The following KYNU variants were observed in gnomAD, a reference collection of about 807,000 sequenced individuals.
KYNU encodes L-kynurenine hydrolase.
Under a neutral mutation model 59.2 loss-of-function variants are expected in KYNU, and 54 were observed. The observed-to-expected ratio is 0.91, with a 90% CI of 0.73 to 1.14. KYNU has a LOEUF of 1.14. Ranked by LOEUF, KYNU falls within the 50% of genes most tolerant of loss-of-function variation. The probability of loss-of-function intolerance (pLI) is 0.00; values close to 1 mark genes in which losing one functional copy is unlikely to be tolerated. For synonymous variants in KYNU, 177 were observed against 192.0 expected (o/e 0.92, Z 0.65); for missense variants, 567 against 554.4 (o/e 1.02, Z -0.23).
At chr2:142,957,503 T>G in intron 6 of KYNU, 138 bp from the exon 7 acceptor site, 1 of 637,560 alleles carries the variant, frequency 1.6e-6, no homozygotes, top group Non-Finnish European at 2.8e-6. Context: ...CTCTGTTGTG[T>G]ATTTTGTTTA....
intron 13 of KYNU, among the ~76,000 whole-genome samples, chr2:143,041,515 T>C (rs78637163): frequency 0.029 from 4,354 of 152,122 alleles, 208 homozygotes; most frequent in African/African-American, 0.1. Flanking sequence ...ATATACTATA[T>C]TGTCTAGCCT....
rs1687284399 is a variant in KYNU at position 143,052,506 on chromosome 2, G to T, written c.*10334G>T. 1 of 152,146 alleles carries T rather than the reference G, an allele frequency of 6.6e-6. No homozygotes were observed. The highest frequency in any genetic ancestry group is 2.4e-5 in the African/African-American group (1 of 41,424). The allele number at this position is 152,146 out of a possible 1,614,324, so 9.4% of individuals were successfully genotyped here. ...AATGGCTTCGTGGGCTGGTCACAGGGTCCCTCTGCTGTGTGCAGTCTAGGG... is the reference window on the plus strand; with the variant it reads ...AATGGCTTCGTGGGCTGGTCACAGGTTCCCTCTGCTGTGTGCAGTCTAGGG... On this transcript the variant is annotated 3_prime_UTR_variant, in exon 14 of 14. Transcript: ENST00000264170.
rs954103476 is a variant in KYNU at position 143,043,972 on chromosome 2, C to T, written c.*1800C>T. 6 of 151,742 alleles carry T rather than the reference C, an allele frequency of 4.0e-5. No individual in the cohort carries two copies. Among genetic ancestry groups the T allele is most frequent in the Non-Finnish European group, 7.4e-5 (5 of 67,946 alleles). 9.4% of individuals were successfully genotyped at this position (151,742 alleles called of 1,614,324 possible). Reference sequence around the variant, plus strand: ...TCTACATCAGGTATTTCTCCTAATGCTCACCCTCCTCTTATCCCCAACTAC... The same window carrying T: ...TCTACATCAGGTATTTCTCCTAATGTTCACCCTCCTCTTATCCCCAACTAC... On this transcript the variant is annotated 3_prime_UTR_variant, in exon 14 of 14. Coordinates refer to ENST00000264170, the MANE Select transcript of KYNU (RefSeq NM_003937.3).
chr2:143,037,441 CA>C (rs1455830328), intron 12 of KYNU, among the ~76,000 whole-genome samples: 1 of 152,062 alleles, frequency 6.6e-6, no homozygotes, highest in African/African-American at 2.4e-5. Flanking sequence ...TAAATGGCTT[CA>C]AAATACAAAG....
chr2:142,951,763 A>G lies in KYNU; in HGVS notation c.374-3047A>G, dbSNP rs1683998239. On this transcript the variant is annotated intron_variant, in intron 4 of 13. Transcript: ENST00000264170. Reference sequence around the variant, plus strand: ...AAGGTCAGTAGCAGATGAAGATTGCATTTTGTGATGTGCTCAGTTAAGTTT... The same window carrying G: ...AAGGTCAGTAGCAGATGAAGATTGCGTTTTGTGATGTGCTCAGTTAAGTTT... Among the ~76,000 whole-genome samples, 3 of 152,248 alleles carry G rather than the reference A, an allele frequency of 2.0e-5. No homozygotes were observed. The South Asian group carries it at 6.2e-4, about 32-fold the overall frequency.
Position 143,040,603 on chromosome 2 carries a change from C to T in KYNU, c.1217C>T (p.Thr406Ile). The T allele has an allele frequency of 1.2e-6, 2 of 1,611,764 alleles. No individual in the cohort carries two copies. Among genetic ancestry groups the T allele is most frequent in the Non-Finnish European group, 1.7e-6 (2 of 1,178,714 alleles). ...VEERGCQLTI[T>I]FSVPNKDVFQ... ...GAGCGGGGGTGCCAGCTAACAATAA[C>T]ATTTTCTGTTCCAAACAAAGATGTT... The change falls in exon 13 of 14, where the codon ACA (threonine) becomes ATA (isoleucine). Residue 406 changes from threonine (T) to isoleucine (I), a missense_variant. Coordinates refer to ENST00000264170, the MANE Select transcript of KYNU (RefSeq NM_003937.3).
chr2:142,918,691 A>C lies in KYNU; in HGVS notation c.252A>C (p.Lys84Asn), dbSNP rs1558920953. The stretch of plus-strand genomic sequence containing the variant: ...TTGGCCTTCAACCAAAAATGGTTAA[A>C]ACATATCTTGAAGAAGAACTAGATA... ...NSLGLQPKMV[K>N]TYLEEELDKW... The change falls in exon 3 of 14, where the codon AAA becomes AAC. Residue 84 changes from lysine to asparagine, a missense_variant. Transcript: ENST00000264170. 1.9e-6 allele frequency: 3 copies of C among 1,612,840 alleles called. No individual in the cohort carries two copies. Among genetic ancestry groups the C allele is most frequent in the Non-Finnish European group, 2.5e-6 (3 of 1,179,358 alleles).
intron 2 of KYNU, among the ~76,000 whole-genome samples, chr2:142,905,651 G>A (rs760960482): frequency 4.6e-5 from 7 of 152,188 alleles, no homozygotes; most frequent in Non-Finnish European, 8.8e-5. Context: ...GGATAGCTCT[G>A]AACTGGTTAT....
intron 10 of KYNU, among the ~76,000 whole-genome samples, chr2:143,023,473 ATTGATATATTTGTCCCC>A (rs1686464112): frequency 6.6e-6 from 1 of 151,910 alleles, no homozygotes; most frequent in Non-Finnish European, 1.5e-5. Flanking sequence ...TACCATCTTA[ATTGATATATTTGTCCCC>A]TTGATCTGTC....
chr2:142,998,236 A>G (rs1483076943), intron 10 of KYNU, among the ~76,000 whole-genome samples: 1 of 152,156 alleles, frequency 6.6e-6, no homozygotes. Flanking sequence ...GTTATTGTTG[A>G]CATTTAGTTT....
In KYNU at chr2:142,906,817, G is replaced by A. The variant is rs190533274; in HGVS notation, c.170-11792G>A. The stretch of plus-strand genomic sequence containing the variant: ...TCTAGCCTGCACCATGATCTCGACC[G>A]GCCAATGCCAGGGGTTCAGGACGAC... On this transcript the variant is annotated intron_variant, in intron 2 of 13. Transcript: ENST00000264170. 7.4e-4 allele frequency among the ~76,000 whole-genome samples: 112 copies of A among 152,260 alleles called. 1 individual carries two copies. Among genetic ancestry groups the A allele is most frequent in the African/African-American group, 2.5e-3 (105 of 41,564 alleles).
At chr2:143,002,564 T>G (rs551975948) in intron 10 of KYNU, among the ~76,000 whole-genome samples, 1 of 152,168 alleles carries the variant, frequency 6.6e-6, no homozygotes, top group Admixed American at 6.5e-5. Context: ...TTAATATCAC[T>G]CCACACACAG....
chr2:143,000,737 G>A (rs986972820), intron 10 of KYNU, among the ~76,000 whole-genome samples: 1 of 152,196 alleles, frequency 6.6e-6, no homozygotes, highest in African/African-American at 2.4e-5. Context: ...GTGAAACTGG[G>A]CTTCGGGTTA....
At chr2:142,992,143 A>T (rs1685414662) in intron 10 of KYNU, among the ~76,000 whole-genome samples, 2 of 151,906 alleles carry the variant, frequency 1.3e-5, no homozygotes, top group Admixed American at 1.3e-4. Context: ...ATGCAAGTGA[A>T]TTTGGAAAAC....
At chr2:142,916,891 G>A (rs183753643) in intron 2 of KYNU, among the ~76,000 whole-genome samples, 2 of 152,264 alleles carry the variant, frequency 1.3e-5, no homozygotes, top group East Asian at 1.9e-4. Context: ...CTTTGAAAAG[G>A]AAAGTTCTAG....
chr2:142,968,212 A>G (rs190681116), intron 8 of KYNU, among the ~76,000 whole-genome samples: 1 of 152,342 alleles, frequency 6.6e-6, no homozygotes, highest in African/African-American at 2.4e-5. Flanking sequence ...TTGCAAATAG[A>G]AACACCTAAC....
intron 3 of KYNU, among the ~76,000 whole-genome samples, chr2:142,919,298 T>C (rs1308561284): frequency 6.6e-6 from 1 of 152,172 alleles, no homozygotes; most frequent in African/African-American, 2.4e-5. Context: ...GTTCCTCTCA[T>C]GTGTTGACAT....
intron 10 of KYNU, chr2:142,989,000 T>C (rs532936525): frequency 3.2e-6 from 3 of 930,882 alleles, no homozygotes; most frequent in South Asian, 2.9e-5. Flanking sequence ...ACTTTTTTAT[T>C]CACCTGAAAA....
At chr2:142,908,751 C>T (rs150087587) in intron 2 of KYNU, among the ~76,000 whole-genome samples, 19 of 152,186 alleles carry the variant, frequency 1.2e-4, no homozygotes, top group African/African-American at 4.1e-4. Context: ...TCTCCTGCCT[C>T]AGTCTCCTGA....
Sources: allele counts gnomAD v4.1 joint callset (sites outside exome capture counted in the v4.1 genomes callset), GRCh38; gene constraint gnomAD v4.1.1; transcripts MANE v1.5; gene names NCBI Gene and HGNC (gene_info 2026-07-23, HGNC 2026-07-21).